Variants in GRID1 observed in about 807,000 individuals in gnomAD.
GRID1 encodes the protein glutamate receptor ionotropic, delta-1.
A neutral mutation model predicts 98.0 loss-of-function variants in GRID1; 28 were observed. The ratio of observed to expected loss-of-function variants is 0.29; its 90% CI spans 0.21 to 0.39. The LOEUF is 0.39. Ranked by LOEUF, GRID1 falls within the 10% of genes least tolerant of loss-of-function variation. GRID1 has a pLI of 1.00. For missense variants in GRID1, 1,111 were observed against 1,340.5 expected (o/e 0.83, Z 2.67); for synonymous variants, 553 against 538.5 (o/e 1.03, Z -0.37).
chr10:85,996,705 T>C (rs541135859), intron 4 of GRID1, among the ~76,000 whole-genome samples: 1 of 151,962 alleles, frequency 6.6e-6, no homozygotes, highest in South Asian at 2.1e-4. Context: ...GGTGGGTGCA[T>C]GTAATCCCAG....
At chr10:86,364,553 C>T (rs78717811) in intron 1 of GRID1, among the ~76,000 whole-genome samples, 1 of 152,042 alleles carries the variant, frequency 6.6e-6, no homozygotes, top group East Asian at 1.9e-4. Context: ...ATGATGGGTC[C>T]TTCTCCATGC....
At chr10:85,856,532 G>A (rs1326190831) in intron 6 of GRID1, among the ~76,000 whole-genome samples, 2 of 152,210 alleles carry the variant, frequency 1.3e-5, no homozygotes, top group East Asian at 1.9e-4. Context: ...AAAGCTCAGC[G>A]TTGAAGGATT....
chr10:85,801,513 AACAGAATTTATG>A (rs1414317717), intron 8 of GRID1, among the ~76,000 whole-genome samples: 12 of 151,878 alleles, frequency 7.9e-5, no homozygotes, highest in Non-Finnish European at 8.8e-5. Context: ...AACTAAATAC[AACAGAATTTATG>A]AATTTTGTTA....
chr10:85,854,626 G>C lies in GRID1; in HGVS notation c.1114-11C>G, dbSNP rs759690418. On this transcript the variant is annotated splice_polypyrimidine_tract_variant and intron_variant, in intron 7 of 15. Coordinates refer to ENST00000327946, the MANE Select transcript of GRID1 (RefSeq NM_017551.3). ...GCCAGTGATGTGGCCCTGCAGAAGA[G>C]GAGAAAAACCCATTGGAAAATCTGG... 1.2e-6 allele frequency: 2 copies of C among 1,613,760 alleles called. No individual in the cohort carries two copies. Among genetic ancestry groups the C allele is most frequent in the Non-Finnish European group, 1.7e-6 (2 of 1,179,864 alleles).
intron 3 of GRID1, among the ~76,000 whole-genome samples, chr10:86,171,418 CAA>C (rs1358882545): frequency 6.6e-6 from 1 of 152,176 alleles, no homozygotes; most frequent in Non-Finnish European, 1.5e-5. Context: ...ACATTTTAGG[CAA>C]TTAAGGAGGT....
At chr10:85,657,130 T>A (rs955380186) in intron 12 of GRID1, among the ~76,000 whole-genome samples, 11 of 152,226 alleles carry the variant, frequency 7.2e-5, no homozygotes, top group African/African-American at 2.7e-4. Context: ...ATTGGCTCAC[T>A]CTTTCAGTGT....
intron 4 of GRID1, among the ~76,000 whole-genome samples, chr10:86,127,843 C>A (rs1393486848): frequency 6.6e-6 from 1 of 152,146 alleles, no homozygotes; most frequent in Non-Finnish European, 1.5e-5. Context: ...ACCCCAACAG[C>A]CCCAGATTGG....
intron 2 of GRID1, among the ~76,000 whole-genome samples, chr10:86,245,427 TTCTACCATTCGCTTTACTCCATTCCTCC>T (rs1334822093): frequency 2.1e-5 from 3 of 143,754 alleles, no homozygotes; most frequent in East Asian, 3.9e-4. Context: ...TCCATTCCTC[TTCTACCATTCGCTTTACTCCATTCCTCC>T]TCTACCATTC....
At chr10:86,201,441 T>C (rs1323100750) in intron 3 of GRID1, among the ~76,000 whole-genome samples, 1 of 151,952 alleles carries the variant, frequency 6.6e-6, no homozygotes, top group Non-Finnish European at 1.5e-5. Flanking sequence ...GAAAACCAAA[T>C]ATAGCATGTT....
chr10:86,067,527 T>G (rs2131918169), intron 4 of GRID1, among the ~76,000 whole-genome samples: 2 of 152,344 alleles, frequency 1.3e-5, no homozygotes, highest in East Asian at 3.9e-4. Flanking sequence ...TGCTTATATT[T>G]ACAGCTGATT....
At chr10:85,969,239 A>G (rs1842376741) in intron 4 of GRID1, among the ~76,000 whole-genome samples, 1 of 152,184 alleles carries the variant, frequency 6.6e-6, no homozygotes, top group South Asian at 2.1e-4. Context: ...CAATGATAAT[A>G]TTATAGTTGG....
chr10:85,647,604 T>C (rs1843212180), intron 12 of GRID1: 1 of 562,286 alleles, frequency 1.8e-6, no homozygotes. Flanking sequence ...GTTTTCTCAG[T>C]GCAGATTAAT....
intron 3 of GRID1, among the ~76,000 whole-genome samples, chr10:86,189,180 C>T (rs1302989163): frequency 6.6e-6 from 1 of 152,148 alleles, no homozygotes; most frequent in African/African-American, 2.4e-5. Context: ...CCCTGGAATC[C>T]AGGACTCAAA....
At chr10:85,968,916 T>G (rs549705976) in intron 4 of GRID1, among the ~76,000 whole-genome samples, 8 of 152,286 alleles carry the variant, frequency 5.3e-5, no homozygotes, top group African/African-American at 1.9e-4. Context: ...GTGAATTTTT[T>G]AAAAGATGCA....
chr10:85,614,184 T>A (rs898744217), intron 14 of GRID1, among the ~76,000 whole-genome samples: 2 of 152,188 alleles, frequency 1.3e-5, no homozygotes, highest in Admixed American at 1.3e-4. Flanking sequence ...GGTCTAGAGA[T>A]ACAATCACTG....
intron 5 of GRID1, among the ~76,000 whole-genome samples, chr10:85,880,853 T>A (rs1564617262): frequency 6.6e-6 from 1 of 152,216 alleles, no homozygotes; most frequent in Non-Finnish European, 1.5e-5. Flanking sequence ...GCAGATAACA[T>A]GATTGTATAT....
chr10:85,729,225 T>C (rs1269489841), intron 9 of GRID1, among the ~76,000 whole-genome samples: 2 of 152,124 alleles, frequency 1.3e-5, no homozygotes, highest in Admixed American at 6.5e-5. Context: ...CAAGAACAAA[T>C]GGAGCAGCTT....
intron 2 of GRID1, among the ~76,000 whole-genome samples, chr10:86,228,376 T>G (rs1846392006): frequency 6.6e-6 from 1 of 151,874 alleles, no homozygotes; most frequent in African/African-American, 2.4e-5. Flanking sequence ...GCTCTGGCCT[T>G]GGTCCCCCAT....
chr10:85,729,403 A>AGGC, intron 9 of GRID1, 110 bp downstream of exon 9: 1 of 635,262 alleles, frequency 1.6e-6, no homozygotes, highest in Non-Finnish European at 2.9e-6. Flanking sequence ...AAAGCTCACA[A>AGGC]TACTCCTCAA....
Sources: allele counts gnomAD v4.1 joint callset (sites outside exome capture counted in the v4.1 genomes callset), GRCh38; gene constraint gnomAD v4.1.1; transcripts MANE v1.5; gene names NCBI Gene and HGNC (gene_info 2026-07-23, HGNC 2026-07-21).